The following STAU2 variants were observed in gnomAD, a reference collection of about 807,000 sequenced individuals.
The protein encoded by STAU2 is double-stranded RNA-binding protein Staufen homolog 2.
STAU2 carries 20 observed loss-of-function variants against 65.9 expected under a neutral mutation model. The ratio of observed to expected loss-of-function variants is 0.30; its 90% CI spans 0.21 to 0.44. The LOEUF (loss-of-function observed/expected upper bound fraction) is 0.44, where lower values mean the gene tolerates loss of function less well. Among genes scored for constraint, STAU2 ranks in the 20% least tolerant of loss-of-function variants. STAU2 has a pLI of 1.00. For synonymous variants in STAU2, 232 were observed against 233.9 expected (o/e 0.99, Z 0.07); for missense variants, 558 against 683.9 (o/e 0.82, Z 2.05).
chr8:73,731,294 C>T (rs1357392689), intron 3 of STAU2, among the ~76,000 whole-genome samples: 1 of 152,150 alleles, frequency 6.6e-6, no homozygotes, highest in Non-Finnish European at 1.5e-5. Context: ...CCAATCCCAA[C>T]CCCCTTAGCT....
chr8:73,523,423 C>T (rs1207286983), intron 13 of STAU2, among the ~76,000 whole-genome samples: 1 of 151,848 alleles, frequency 6.6e-6, no homozygotes, highest in African/African-American at 2.4e-5. Context: ...GTTTTTTTAA[C>T]ATTAGGCTTA....
At chr8:73,539,309 TG>T (rs1391123890) in intron 13 of STAU2, among the ~76,000 whole-genome samples, 6 of 152,310 alleles carry the variant, frequency 3.9e-5, no homozygotes, top group African/African-American at 1.4e-4. Flanking sequence ...AATACATCTC[TG>T]ATGTTGAAAT....
chr8:73,499,423 C>A (rs187323037), intron 13 of STAU2, among the ~76,000 whole-genome samples: 3 of 151,702 alleles, frequency 2.0e-5, no homozygotes, highest in African/African-American at 7.3e-5. Context: ...ATTTAAGGGG[C>A]CAGCAGAAGT....
At chr8:73,719,254 A>C (rs1248928093) in intron 3 of STAU2, among the ~76,000 whole-genome samples, 1 of 152,212 alleles carries the variant, frequency 6.6e-6, no homozygotes, top group East Asian at 1.9e-4. Flanking sequence ...AATACAAAAA[A>C]ATTAGCCAGA....
intron 1 of STAU2, among the ~76,000 whole-genome samples, chr8:73,742,638 G>A (rs1429109810): frequency 3.3e-5 from 5 of 151,390 alleles, no homozygotes; most frequent in African/African-American, 4.9e-5. Flanking sequence ...GTATCCATGC[G>A]TCCCAAAAAT....
At chr8:73,566,948 T>G (rs902994920) in intron 12 of STAU2, among the ~76,000 whole-genome samples, 2 of 152,178 alleles carry the variant, frequency 1.3e-5, no homozygotes, top group African/African-American at 2.4e-5. Context: ...AGCAAAGCAA[T>G]CTACTAAGAG....
chr8:73,620,306 T>C (rs902867120), intron 6 of STAU2, among the ~76,000 whole-genome samples: 8 of 152,164 alleles, frequency 5.3e-5, no homozygotes, highest in East Asian at 3.8e-4. Context: ...ACTTTCACCA[T>C]AGAGCAAATG....
At chr8:73,456,628 G>C (rs1461938320) in intron 13 of STAU2, among the ~76,000 whole-genome samples, 1 of 152,130 alleles carries the variant, frequency 6.6e-6, no homozygotes, top group Non-Finnish European at 1.5e-5. Context: ...CCCATATTCG[G>C]AGGTCTTGGG....
intron 13 of STAU2, among the ~76,000 whole-genome samples, chr8:73,446,891 A>T (rs1411348519): frequency 1.3e-5 from 2 of 152,314 alleles, no homozygotes; most frequent in Middle Eastern, 3.4e-3. Flanking sequence ...TCACAGAATA[A>T]CTACTATGAA....
chr8:73,636,118 G>T (rs1311157622), intron 6 of STAU2, among the ~76,000 whole-genome samples: 1 of 152,134 alleles, frequency 6.6e-6, no homozygotes, highest in Non-Finnish European at 1.5e-5. Flanking sequence ...CCTTTGGGAG[G>T]CCAAGGCGGG....
intron 4 of STAU2, among the ~76,000 whole-genome samples, chr8:73,695,937 G>C (rs1819669373): frequency 6.6e-6 from 1 of 152,138 alleles, no homozygotes; most frequent in Non-Finnish European, 1.5e-5. Context: ...CTGGAACCCA[G>C]GGAAAAACCC....
chr8:73,603,510 C>CA (rs1491379602), intron 10 of STAU2, among the ~76,000 whole-genome samples: 1 of 152,208 alleles, frequency 6.6e-6, no homozygotes. Context: ...TGTGTGAACT[C>CA]AGAGTCCCTT....
At chr8:73,530,729 G>C (rs1188963520) in intron 13 of STAU2, among the ~76,000 whole-genome samples, 1 of 152,130 alleles carries the variant, frequency 6.6e-6, no homozygotes, top group Admixed American at 6.6e-5. Context: ...TAGGTAGGTA[G>C]TGTACCTGAA....
intron 13 of STAU2, among the ~76,000 whole-genome samples, chr8:73,463,819 C>T (rs1381089634): frequency 6.6e-6 from 1 of 152,090 alleles, no homozygotes; most frequent in Non-Finnish European, 1.5e-5. Context: ...GTATGCAGGA[C>T]GAGATAAGGA....
chr8:73,440,052 T>C (rs1456243757), intron 13 of STAU2: 2 of 152,346 alleles, frequency 1.3e-5, no homozygotes, highest in Non-Finnish European at 2.9e-5. Context: ...GCCGCTTCCA[T>C]TTTTTTCTTA....
chr8:73,519,877 G>C (rs928614121), intron 13 of STAU2, among the ~76,000 whole-genome samples: 4 of 152,208 alleles, frequency 2.6e-5, no homozygotes, highest in African/African-American at 9.7e-5. Flanking sequence ...AAGAGATCTT[G>C]GGAGACAGCT....
chr8:73,567,554 CTT>C (rs796990881), intron 12 of STAU2, among the ~76,000 whole-genome samples: 2 of 144,432 alleles, frequency 1.4e-5, no homozygotes, highest in African/African-American at 2.5e-5. Flanking sequence ...GTCTCTCTCT[CTT>C]TTTTTTTTTT....
At chr8:73,581,046 C>T (rs927149419) in intron 12 of STAU2, among the ~76,000 whole-genome samples, 4 of 152,162 alleles carry the variant, frequency 2.6e-5, no homozygotes, top group Admixed American at 6.6e-5. Flanking sequence ...TTTCTGATCA[C>T]TTAAACTCAC....
At chr8:73,454,678 T>C (rs773328806) in intron 13 of STAU2, among the ~76,000 whole-genome samples, 3 of 152,198 alleles carry the variant, frequency 2.0e-5, no homozygotes, top group Non-Finnish European at 2.9e-5. Context: ...ACATCTTCCA[T>C]TTGAATGGCA....
Sources: allele counts gnomAD v4.1 joint callset (sites outside exome capture counted in the v4.1 genomes callset), GRCh38; gene constraint gnomAD v4.1.1; transcripts MANE v1.5; gene names NCBI Gene and HGNC (gene_info 2026-07-23, HGNC 2026-07-21).